Variants in IGSF5 observed in about 807,000 individuals in gnomAD.
IGSF5 encodes immunoglobulin superfamily 5 like.
In IGSF5, 41 loss-of-function variants were observed where a neutral mutation model predicts 39.4. The ratio of observed to expected loss-of-function variants is 1.04; its 90% CI spans 0.81 to 1.35. The LOEUF is 1.35. Among genes scored for constraint, IGSF5 ranks in the 40% most tolerant of loss-of-function variants. The pLI is 0.00. For synonymous variants in IGSF5, 183 were observed against 175.3 expected (o/e 1.04, Z -0.34); for missense variants, 487 against 494.6 (o/e 0.98, Z 0.15).
the IGSF5 span, among the ~76,000 whole-genome samples, chr21:39,724,680 T>A: frequency 6.6e-6 from 1 of 152,212 alleles, no homozygotes. Context: ...CCCAGTCTTG[T>A]GTATGTCTTT....
upstream of IGSF5, among the ~76,000 whole-genome samples, chr21:39,744,918 G>A (rs1456987684): frequency 6.6e-6 from 1 of 152,210 alleles, no homozygotes; most frequent in Non-Finnish European, 1.5e-5. Context: ...GTTGTCAGTG[G>A]CCTCAGTGCT....
intron 5 of IGSF5, among the ~76,000 whole-genome samples, chr21:39,784,368 C>T (rs2080186242): frequency 6.6e-6 from 1 of 152,114 alleles, no homozygotes; most frequent in African/African-American, 2.4e-5. Flanking sequence ...TCCTGGTTCC[C>T]TTCAGCTTTT....
At position 39,765,687 on chromosome 21, in the gene IGSF5, G is replaced by A. The variant is rs778165016; in HGVS notation, c.253G>A (p.Glu85Lys). 3.1e-6 allele frequency: 5 copies of A among 1,614,114 alleles called. No homozygotes were observed. The highest frequency in any genetic ancestry group is 1.1e-5 in the South Asian group (1 of 91,062). ...GGTGGTGCTAAGCGTCAGGCCCATG[G>A]AGCCCATCATCACCAATGACCGCTT... ...DMVVLSVRPM[E>K]PIITNDRFTS... The change falls in exon 3 of 9, where the codon GAG (glutamate) becomes AAG (lysine). Residue 85 changes from glutamate (E) to lysine (K), a missense_variant. Glu to Lys is a moderately conservative substitution (Grantham distance 56). Coordinates refer to ENST00000380588, the MANE Select transcript of IGSF5 (RefSeq NM_001080444.2).
At chr21:39,773,964 A>C (rs2080127502) in intron 4 of IGSF5, among the ~76,000 whole-genome samples, 1 of 152,202 alleles carries the variant, frequency 6.6e-6, no homozygotes, top group African/African-American at 2.4e-5. Flanking sequence ...GAAGGGAAAG[A>C]GAGCACTTAA....
At chr21:39,780,394 G>A (rs1601136168) in intron 5 of IGSF5, among the ~76,000 whole-genome samples, 1 of 152,228 alleles carries the variant, frequency 6.6e-6, no homozygotes, top group East Asian at 1.9e-4. Flanking sequence ...TTGAAGCAGT[G>A]CCTTTCTCAC....
At chr21:39,737,742 G>A in the IGSF5 span, among the ~76,000 whole-genome samples, 1 of 152,172 alleles carries the variant, frequency 6.6e-6, no homozygotes, top group African/African-American at 2.4e-5. Flanking sequence ...TCGTTGCAGC[G>A]TGGACAGGTG....
At position 39,745,441 on chromosome 21, in the gene IGSF5, G is replaced by A. The variant is rs403527; in HGVS notation, c.-69G>A. On this transcript the variant is annotated 5_prime_UTR_variant, in exon 1 of 9. Transcript: ENST00000380588. ...ACCTAGGAGGCAGGGATCAGAGGAA[G>A]TAGATTCAGAGGTAAGGAGAATTTT... 0.79 allele frequency: 556,768 copies of A among 703,784 alleles called. 224,781 individuals are homozygous for A. Among genetic ancestry groups the A allele is most frequent in the Admixed American group, 0.86 (42,339 of 49,444 alleles). The allele number at this position is 703,784 out of a possible 1,614,324, so 43.6% of individuals were successfully genotyped here. A position where few individuals can be genotyped will look rare whatever the true frequency, so the allele number is the denominator to read the frequency against.
At chr21:39,742,545 G>T (rs1280940370), upstream of IGSF5, among the ~76,000 whole-genome samples, 1 of 152,244 alleles carries the variant, frequency 6.6e-6, no homozygotes, top group Admixed American at 6.5e-5. Flanking sequence ...CATCTGGTTA[G>T]TGTCTTCTGA....
the IGSF5 span, among the ~76,000 whole-genome samples, chr21:39,739,701 AT>A: frequency 6.6e-6 from 1 of 151,830 alleles, no homozygotes; most frequent in Non-Finnish European, 1.5e-5. Context: ...TGCAGTTGAG[AT>A]TTCCTCAGGA....
At chr21:39,743,630 CA>C (rs34317056), upstream of IGSF5, among the ~76,000 whole-genome samples, 103,081 of 145,278 alleles carry the variant, frequency 0.71, 38,127 homozygotes, top group Non-Finnish European at 0.82. Context: ...GGGAAGGAGT[CA>C]GGGGGATGTT....
intron 3 of IGSF5, among the ~76,000 whole-genome samples, chr21:39,770,480 C>T (rs1465505888): frequency 6.6e-6 from 1 of 152,108 alleles, no homozygotes; most frequent in Non-Finnish European, 1.5e-5. Flanking sequence ...TTGCGTCTGA[C>T]CCTGGGCTGT....
At chr21:39,755,201 T>C (rs2837160) in intron 2 of IGSF5, among the ~76,000 whole-genome samples, 107,742 of 152,004 alleles carry the variant, frequency 0.71, 40,910 homozygotes, top group Non-Finnish European at 0.84. Context: ...TAATTTTTTA[T>C]AACTGGACGA....
intron 4 of IGSF5, among the ~76,000 whole-genome samples, chr21:39,777,688 T>C (rs1376997902): frequency 6.6e-6 from 1 of 152,186 alleles, no homozygotes; most frequent in Non-Finnish European, 1.5e-5. Flanking sequence ...CTTATAATCC[T>C]ACAGTTCTGC....
At chr21:39,717,723 A>G in the IGSF5 span, among the ~76,000 whole-genome samples, 38 of 152,314 alleles carry the variant, frequency 2.5e-4, no homozygotes, top group East Asian at 2.7e-3. Flanking sequence ...TACCAGTACC[A>G]TGCTATTTTG....
intron 8 of IGSF5, among the ~76,000 whole-genome samples, chr21:39,798,630 G>A (rs924721034): frequency 2.6e-5 from 4 of 152,104 alleles, no homozygotes; most frequent in African/African-American, 9.7e-5. Context: ...CTCTGAATAC[G>A]TCATCTTTGT....
chr21:39,728,913 G>A, the IGSF5 span, among the ~76,000 whole-genome samples: 2 of 152,112 alleles, frequency 1.3e-5, no homozygotes, highest in Non-Finnish European at 2.9e-5. Flanking sequence ...GGGAAACTGA[G>A]TCTGATGGAG....
chr21:39,732,536 C>T, the IGSF5 span, among the ~76,000 whole-genome samples: 1 of 152,096 alleles, frequency 6.6e-6, no homozygotes, highest in Non-Finnish European at 1.5e-5. Context: ...CAACTTTGTA[C>T]CCAAATATAC....
At position 39,765,550 on chromosome 21, in the gene IGSF5, A is replaced by C. The variant is rs771029075; in HGVS notation, c.116A>C (p.Asn39Thr). The part of the protein sequence containing the change: ...TAVVDGSGSG[N>T]EVIEGPQNAR... ...TACCTTCCAGGTTCTGGGTCTGGTA[A>C]TGAAGTCATAGAAGGCCCCCAAAAT... Residue 39 changes from asparagine (N) to threonine (T), a missense_variant, in exon 3 of 9, where the codon AAT (asparagine) becomes ACT (threonine). Coordinates refer to ENST00000380588, the MANE Select transcript of IGSF5 (RefSeq NM_001080444.2). The C allele has an allele frequency of 6.2e-7, 1 of 1,613,218 alleles. No individual in the cohort carries two copies. The highest frequency in any genetic ancestry group is 1.1e-5 in the South Asian group (1 of 91,072).
chr21:39,738,144 A>C, the IGSF5 span, among the ~76,000 whole-genome samples: 1 of 152,210 alleles, frequency 6.6e-6, no homozygotes. The surrounding 1 kb of genome is among the most constrained non-coding windows in gnomAD (Gnocchi z 6.4). Flanking sequence ...TGATAAGGAC[A>C]TACCCAAGGC....
Sources: gnomAD v4.1 joint callset for allele counts (sites outside exome capture counted in the v4.1 genomes callset) on GRCh38, gnomAD v4.1.1 for gene constraint, Gnocchi (gnomAD v3.1) non-coding constraint, MANE v1.5 for transcripts, NCBI Gene and HGNC (gene_info 2026-07-23, HGNC 2026-07-21) for gene names.